ARFGEF1: variants seen among roughly 807,000 people sequenced by gnomAD.
The protein encoded by ARFGEF1 is brefeldin A-inhibited guanine nucleotide-exchange protein 1.
A neutral mutation model predicts 231.0 loss-of-function variants in ARFGEF1; 42 were observed. The ratio of observed to expected loss-of-function variants is 0.18; its 90% CI spans 0.14 to 0.24. The LOEUF (loss-of-function observed/expected upper bound fraction) is 0.24, where lower values mean the gene tolerates loss of function less well. Ranked by LOEUF, ARFGEF1 falls within the 10% of genes least tolerant of loss-of-function variation. The pLI, the probability that ARFGEF1 is intolerant of heterozygous loss-of-function variation, is 1.00. For synonymous variants in ARFGEF1, 710 were observed against 732.3 expected (o/e 0.97, Z 0.49); for missense variants, 1,345 against 2,192.0 (o/e 0.61, Z 7.72).
In ARFGEF1 at chr8:67,190,611, C is replaced by A. The variant is rs1388581088; in HGVS notation, c.560+9785G>T. The A allele has an allele frequency of 2.8e-6, 4 of 1,436,130 alleles. No homozygotes were observed. In the Admixed American group the frequency reaches 5.0e-5, roughly 18 times the overall value. 89.0% of individuals were successfully genotyped at this position (1,436,130 alleles called of 1,614,324 possible). A position where few individuals can be genotyped will look rare whatever the true frequency, so the allele number is the denominator to read the frequency against. On this transcript the variant is annotated intron_variant, in intron 5 of 5. Transcript: ENST00000518789. ...GTTTAGCTCTGGGTAAGATTTGAAGCAGTATTAAGACTCCTTCTGCTTTTC... is the reference window on the plus strand; with the variant it reads ...GTTTAGCTCTGGGTAAGATTTGAAGAAGTATTAAGACTCCTTCTGCTTTTC...
intron 17 of ARFGEF1, among the ~76,000 whole-genome samples, chr8:67,256,552 A>G (rs1223909724): frequency 6.6e-6 from 1 of 152,194 alleles, no homozygotes; most frequent in African/African-American, 2.4e-5. Flanking sequence ...TTTCCAATAC[A>G]TCTCAGATTA....
Position 67,218,051 on chromosome 8 carries a change from C to T in ARFGEF1, c.4426G>A (p.Val1476Ile), listed in dbSNP as rs1280240081. ...TGAGCAAAAATGTCATCCAAAAGTACATCACTGAGTACTTCTAAATACTGA... is the reference window on the plus strand; with the variant it reads ...TGAGCAAAAATGTCATCCAAAAGTATATCACTGAGTACTTCTAAATACTGA... ...FTQYLEVLSD[V>I]LLDDIFAQLY... The change falls in exon 31 of 39, where the codon GTA becomes ATA. Residue 1476 changes from valine (V) to isoleucine (I), a missense_variant. Coordinates refer to ENST00000262215, the MANE Select transcript of ARFGEF1 (RefSeq NM_006421.5). The T allele has an allele frequency of 1.9e-6, 3 of 1,612,078 alleles. No homozygotes were observed. Among genetic ancestry groups the T allele is most frequent in the Admixed American group, 1.7e-5 (1 of 59,708 alleles).
At chr8:67,287,887 T>C (rs557066763) in intron 7 of ARFGEF1, 68 bp downstream of exon 7, 1 of 1,107,110 alleles carries the variant, frequency 9.0e-7, no homozygotes, top group East Asian at 2.8e-5. Context: ...TTCCAGACAT[T>C]ACAAAGTCTC....
chr8:67,243,639 G>A (rs1158878474), intron 19 of ARFGEF1, among the ~76,000 whole-genome samples: 1 of 152,162 alleles, frequency 6.6e-6, no homozygotes, highest in Non-Finnish European at 1.5e-5. Context: ...TCCCAAGAAG[G>A]ATGGGTACAA....
chr8:67,212,469 T>C (rs1032499589), intron 33 of ARFGEF1, among the ~76,000 whole-genome samples: 1 of 152,248 alleles, frequency 6.6e-6, no homozygotes, highest in South Asian at 2.1e-4. Flanking sequence ...AGAAATGATA[T>C]ACTTTCCTTG....
intron 34 of ARFGEF1, among the ~76,000 whole-genome samples, chr8:67,210,154 CAAAAAAAAAAA>C (rs59530693): frequency 5.6e-5 from 3 of 53,856 alleles, no homozygotes; most frequent in Non-Finnish European, 8.1e-5. Flanking sequence ...GACTCCGTCT[CAAAAAAAAAAA>C]AAAAAAAAAG....
intron 23 of ARFGEF1, among the ~76,000 whole-genome samples, chr8:67,229,110 A>G (rs983165766): frequency 3.3e-5 from 5 of 152,086 alleles, no homozygotes; most frequent in African/African-American, 1.2e-4. Context: ...TTCTAGTGTA[A>G]TATCAATATT....
chr8:67,334,656 CA>C (rs1313333315), intron 1 of ARFGEF1, among the ~76,000 whole-genome samples: 1 of 152,112 alleles, frequency 6.6e-6, no homozygotes, highest in African/African-American at 2.4e-5. Flanking sequence ...TCATTCAACC[CA>C]AATATCCATC....
Position 67,267,131 on chromosome 8 carries a change from T to TGAA in ARFGEF1, c.1771_1772insTTC (p.Ala590_Gln591insLeu). 6.2e-7 allele frequency: 1 copy of TGAA among 1,613,338 alleles called. No individual in the cohort carries two copies. Among genetic ancestry groups the TGAA allele is most frequent in the Non-Finnish European group, 8.5e-7 (1 of 1,179,724 alleles). ...ACCAAGTTCTTGACTGCCCCTTCCTTGAGCAATTTTTGATAGATCATTTAC... is the reference window on the plus strand; with the variant it reads ...ACCAAGTTCTTGACTGCCCCTTCCTTGAAGAGCAATTTTTGATAGATCATTTAC... On this transcript the variant is annotated inframe_insertion, in exon 12 of 39. Transcript: ENST00000262215.
intron 1 of ARFGEF1, among the ~76,000 whole-genome samples, chr8:67,324,403 G>A (rs902351641): frequency 1.3e-5 from 2 of 152,198 alleles, no homozygotes; most frequent in African/African-American, 4.8e-5. Context: ...CCTAAGTGCA[G>A]ACATGCTTCC....
At chr8:67,249,424 G>A (rs1840205462) in intron 19 of ARFGEF1, among the ~76,000 whole-genome samples, 1 of 149,854 alleles carries the variant, frequency 6.7e-6, no homozygotes, top group Non-Finnish European at 1.5e-5. Flanking sequence ...CTTAAACAAC[G>A]GGTTTATTGA....
chr8:67,192,262 T>C (rs113267592), intron 5 of ARFGEF1, among the ~76,000 whole-genome samples: 3,337 of 151,808 alleles, frequency 0.022, 77 homozygotes, highest in South Asian at 0.047. Flanking sequence ...TTTAGTAGAG[T>C]TGGGGTTTCG....
chr8:67,237,711 C>T (rs1172232458), intron 22 of ARFGEF1, among the ~76,000 whole-genome samples: 3 of 152,068 alleles, frequency 2.0e-5, no homozygotes, highest in Admixed American at 6.6e-5. Flanking sequence ...AATTGAATCT[C>T]GGCGAACTAA....
intron 1 of ARFGEF1, among the ~76,000 whole-genome samples, chr8:67,323,209 G>A (rs145431464): frequency 0.016 from 2,471 of 152,102 alleles, 70 homozygotes; most frequent in African/African-American, 0.057. Context: ...CAGACATCGC[G>A]CCACTGCACT....
chr8:67,203,833 T>C (rs905434720), intron 35 of ARFGEF1, among the ~76,000 whole-genome samples: 1 of 152,206 alleles, frequency 6.6e-6, no homozygotes, highest in African/African-American at 2.4e-5. Flanking sequence ...CACAAGCTCC[T>C]ACCCCAAACG....
intron 38 of ARFGEF1, 179 bp downstream of exon 38, chr8:67,200,216 GA>G: frequency 1.5e-6 from 1 of 664,262 alleles, no homozygotes; most frequent in Non-Finnish European, 2.8e-6. Flanking sequence ...GGTAAGGGGG[GA>G]GAAAAGCAAG....
At chr8:67,261,785 T>C (rs1204838837) in intron 14 of ARFGEF1, among the ~76,000 whole-genome samples, 1 of 151,830 alleles carries the variant, frequency 6.6e-6, no homozygotes, top group Non-Finnish European at 1.5e-5. Context: ...ATTACAGGCA[T>C]GAGCCACCGT....
intron 5 of ARFGEF1, among the ~76,000 whole-genome samples, chr8:67,186,726 T>C (rs118162405): frequency 0.028 from 4,291 of 152,060 alleles, 89 homozygotes; most frequent in Middle Eastern, 0.082. Flanking sequence ...AAGGGAGAAA[T>C]AGAATTGTTT....
intron 6 of ARFGEF1, among the ~76,000 whole-genome samples, chr8:67,289,162 T>C (rs28640047): frequency 0.34 from 50,971 of 151,710 alleles, 8,913 homozygotes; most frequent in African/African-American, 0.43. Flanking sequence ...GGATTCAAAA[T>C]GCTGTCTTGA....
Sources: allele counts gnomAD v4.1 joint callset (sites outside exome capture counted in the v4.1 genomes callset), GRCh38; gene constraint gnomAD v4.1.1; transcripts MANE v1.5; gene names NCBI Gene and HGNC (gene_info 2026-07-23, HGNC 2026-07-21).